The following KLHL7 variants were observed in gnomAD, a reference collection of about 807,000 sequenced individuals.
KLHL7 encodes kelch-like protein 7.
In KLHL7, 44 loss-of-function variants were observed where a neutral mutation model predicts 67.4. The observed-to-expected ratio is 0.65, with a 90% CI of 0.51 to 0.84. The LOEUF (loss-of-function observed/expected upper bound fraction) is 0.84. Ranked by LOEUF, KLHL7 falls within the 40% of genes least tolerant of loss-of-function variation. The pLI, the probability that KLHL7 is intolerant of heterozygous loss-of-function variation, is 0.00. For missense variants in KLHL7, 362 were observed against 718.1 expected (o/e 0.50, Z 5.67); for synonymous variants, 252 against 243.3 (o/e 1.04, Z -0.33).
In KLHL7 at chr7:23,165,509, C is replaced by T. The variant is rs112888105; in HGVS notation, c.937-189C>T. 4.1e-4 allele frequency among the ~76,000 whole-genome samples: 62 copies of T among 152,236 alleles called. 1 individual carries two copies. The highest frequency in any genetic ancestry group is 1.4e-3 in the African/African-American group (60 of 41,532). ...AGTCATGTGCCTGCCTTTTGCCCTC[C>T]GCCCCATCTAATCAACATTCTGCAG... On this transcript the variant is annotated intron_variant, in intron 7 of 10. Coordinates refer to ENST00000339077, the MANE Select transcript of KLHL7 (RefSeq NM_001031710.3).
At chr7:23,154,640 A>T (rs966221246) in intron 7 of KLHL7, among the ~76,000 whole-genome samples, 2 of 152,242 alleles carry the variant, frequency 1.3e-5, no homozygotes, top group African/African-American at 4.8e-5. Flanking sequence ...GAGATGGTCC[A>T]GGATGCCTGC....
chr7:23,144,447 A>G (rs187523932), intron 6 of KLHL7, among the ~76,000 whole-genome samples: 1 of 152,280 alleles, frequency 6.6e-6, no homozygotes, highest in African/African-American at 2.4e-5. Flanking sequence ...CTAAGTCCCA[A>G]CCCCTCAACA....
At position 23,128,889 on chromosome 7, in the gene KLHL7, T is replaced by C. The variant is rs1330146174; in HGVS notation, c.442+3717T>C. ...CTCTTTGAGCACAGTGTTTTTAGGG[T>C]TCATCCATATTGTAGCATTTATCAG... On this transcript the variant is annotated intron_variant, in intron 4 of 10. Transcript: ENST00000339077. Among the ~76,000 whole-genome samples, 3 of 152,086 alleles carry C rather than the reference T, an allele frequency of 2.0e-5. No homozygotes were observed. In the East Asian group the frequency reaches 5.8e-4, roughly 29 times the overall value.
At chr7:23,106,368 A>G in intron 1 of KLHL7, 1 of 1,387,886 alleles carries the variant, frequency 7.2e-7, no homozygotes. Flanking sequence ...TGTAGCTCCC[A>G]AGTCAGACTC....
rs145415994 is a variant in KLHL7, at chr7:23,175,568, G to GA, written c.*1275dup. 3.7e-3 allele frequency: 1,189 copies of GA among 323,480 alleles called. 14 individuals carry two copies. The highest frequency in any genetic ancestry group is 0.024 in the African/African-American group (1,112 of 45,728). 20.0% of individuals were successfully genotyped at this position (323,480 alleles called of 1,614,324 possible). On this transcript the variant is annotated 3_prime_UTR_variant, in exon 11 of 11. Coordinates refer to ENST00000339077, the MANE Select transcript of KLHL7 (RefSeq NM_001031710.3). ...AATGTTTAAATCAAAAAGGAATTAGGAAAAACATAATGATAGGTATATTTC... is the reference window on the plus strand; with the variant it reads ...AATGTTTAAATCAAAAAGGAATTAGGAAAAAACATAATGATAGGTATATTTC...
At chr7:23,110,264 G>C (rs1299828097) in intron 1 of KLHL7, among the ~76,000 whole-genome samples, 1 of 152,164 alleles carries the variant, frequency 6.6e-6, no homozygotes. Flanking sequence ...TCTACCACCA[G>C]ATCTATAAAC....
chr7:23,127,369 C>T (rs1477509742), intron 4 of KLHL7, among the ~76,000 whole-genome samples: 1 of 152,116 alleles, frequency 6.6e-6, no homozygotes, highest in African/African-American at 2.4e-5. Flanking sequence ...GGAAGGACAG[C>T]CCCGCCACCT....
intron 1 of KLHL7, chr7:23,118,108 G>A: frequency 1.0e-6 from 1 of 963,568 alleles, no homozygotes; most frequent in African/African-American, 1.6e-5. Flanking sequence ...GGACCCAACT[G>A]CCTTTTGTAA....
At chr7:23,111,820 CAA>C (rs895981894) in intron 1 of KLHL7, among the ~76,000 whole-genome samples, 6 of 23,240 alleles carry the variant, frequency 2.6e-4, no homozygotes, top group East Asian at 1.4e-3. Flanking sequence ...GACTCCGTCT[CAA>C]AAAAAAAAAA....
chr7:23,129,966 A>G (rs1783734939), intron 4 of KLHL7: 1 of 152,372 alleles, frequency 6.6e-6, no homozygotes, highest in Admixed American at 6.5e-5. Context: ...GTATGCATGT[A>G]TAAGTTCTTT....
intron 5 of KLHL7, among the ~76,000 whole-genome samples, chr7:23,141,825 G>T (rs549984260): frequency 6.6e-6 from 1 of 152,004 alleles, no homozygotes; most frequent in African/African-American, 2.4e-5. Flanking sequence ...GGGTTTCACC[G>T]TGTTAGCCAG....
intron 4 of KLHL7, chr7:23,125,850 A>C: frequency 6.4e-7 from 1 of 1,550,574 alleles, no homozygotes; most frequent in Non-Finnish European, 8.7e-7. Flanking sequence ...ATGAACGTCC[A>C]GATGTTTGTG....
At chr7:23,134,731 G>A (rs1267602731) in intron 4 of KLHL7, among the ~76,000 whole-genome samples, 1 of 151,884 alleles carries the variant, frequency 6.6e-6, no homozygotes, top group African/African-American at 2.4e-5. Flanking sequence ...CCAATTTATA[G>A]GCATATATTA....
At chr7:23,162,096 C>G (rs1309548642) in intron 7 of KLHL7, among the ~76,000 whole-genome samples, 2 of 152,180 alleles carry the variant, frequency 1.3e-5, no homozygotes, top group South Asian at 2.1e-4. Flanking sequence ...ACAACAGTGA[C>G]AAGAGGAACC....
In KLHL7 at chr7:23,165,739, A is replaced by G; in HGVS notation, c.978A>G (p.Arg326=). The change falls in exon 8 of 11, where the codon CGA becomes CGG. Residue 326 remains arginine, a synonymous_variant. Coordinates refer to ENST00000339077, the MANE Select transcript of KLHL7 (RefSeq NM_001031710.3). ...ACATCCGCTGCCCCTTTGAAAAACG[A>G]AGAGATGCAGCATGCGTGTTTTGGG... ...WTDIRCPFEK[R]RDAACVFWDN... 1 of 1,614,174 alleles carries G rather than the reference A, an allele frequency of 6.2e-7. No individual in the cohort carries two copies. The highest frequency in any genetic ancestry group is 8.5e-7 in the Non-Finnish European group (1 of 1,180,006).
intron 7 of KLHL7, among the ~76,000 whole-genome samples, chr7:23,160,850 A>G (rs1784837072): frequency 1.3e-5 from 2 of 152,206 alleles, no homozygotes; most frequent in Admixed American, 6.5e-5. Flanking sequence ...GACATGATCA[A>G]GTGTTTGCTT....
Position 23,125,896 on chromosome 7 carries a change from G to C in KLHL7, c.442+724G>C, listed in dbSNP as rs1178017129. On this transcript the variant is annotated intron_variant, in intron 4 of 10. Transcript: ENST00000339077. The stretch of plus-strand genomic sequence containing the variant: ...CCCTTATCTGCAGGATACGTTCCAA[G>C]ACCCCCAGTGAATGCCTGAAACTGC... The C allele has an allele frequency of 3.3e-6, 5 of 1,528,976 alleles. No individual in the cohort carries two copies. In the South Asian group the frequency reaches 6.0e-5, roughly 18 times the overall value. The allele number at this position is 1,528,976 out of a possible 1,614,324, so 94.7% of individuals were successfully genotyped here. A position where few individuals can be genotyped will look rare whatever the true frequency, so the allele number is the denominator to read the frequency against.
intron 4 of KLHL7, among the ~76,000 whole-genome samples, chr7:23,126,753 G>C (rs947572312): frequency 7.2e-5 from 11 of 152,126 alleles, no homozygotes; most frequent in African/African-American, 1.2e-4. Context: ...AATTTCAGGA[G>C]GAAGTAAAAG....
At chr7:23,139,232 TGAA>T (rs1026215299) in intron 4 of KLHL7, among the ~76,000 whole-genome samples, 13 of 152,042 alleles carry the variant, frequency 8.6e-5, no homozygotes, top group Admixed American at 3.3e-4. Flanking sequence ...CTGAAAAAAA[TGAA>T]GTTTATTTTA....
Sources: allele counts gnomAD v4.1 joint callset (sites outside exome capture counted in the v4.1 genomes callset), GRCh38; gene constraint gnomAD v4.1.1; transcripts MANE v1.5; gene names NCBI Gene and HGNC (gene_info 2026-07-23, HGNC 2026-07-21).